Variants in MYO1B observed in about 807,000 individuals in gnomAD.
MYO1B encodes the protein unconventional myosin-Ib.
Under a neutral mutation model 159.7 loss-of-function variants are expected in MYO1B, and 72 were observed. The observed-to-expected ratio is 0.45, with a 90% CI of 0.37 to 0.55. The LOEUF is 0.55. Among genes scored for constraint, MYO1B ranks in the 20% least tolerant of loss-of-function variants. MYO1B has a pLI of 0.00. For synonymous variants in MYO1B, 468 were observed against 473.8 expected, an observed-to-expected ratio of 0.99 and a Z score of 0.16; for missense variants, 1,062 against 1,364.8, an observed-to-expected ratio of 0.78 and a Z score of 3.50.
chr2:191,386,042 T>G lies in MYO1B; in HGVS notation c.1512T>G (p.Ser504=). The change falls in exon 16 of 31, where the codon TCT becomes TCG. Residue 504 remains serine (S), a synonymous_variant. Coordinates refer to ENST00000392318, the MANE Select transcript of MYO1B (RefSeq NM_001130158.3). ...SKCSRFLNDT[S]LPHSCFRIQH... ...GCTCTCGGTTCCTCAATGACACGTC[T>G]CTGCCTCACAGCTGCTTCAGGATCC... The G allele has an allele frequency of 6.2e-7, 1 of 1,614,140 alleles. No individual in the cohort carries two copies. The highest frequency in any genetic ancestry group is 1.1e-5 in the South Asian group (1 of 91,080).
intron 1 of MYO1B, among the ~76,000 whole-genome samples, chr2:191,257,067 C>A (rs1390509367): frequency 6.6e-6 from 1 of 152,072 alleles, no homozygotes; most frequent in African/African-American, 2.4e-5. Flanking sequence ...GAAAGTCTCT[C>A]CTTTTAATCC....
At chr2:191,286,901 A>T (rs938815193) in intron 2 of MYO1B, among the ~76,000 whole-genome samples, 4 of 152,178 alleles carry the variant, frequency 2.6e-5, no homozygotes, top group Non-Finnish European at 5.9e-5. Flanking sequence ...ACTGCACTCC[A>T]ACCTGGGTGA....
At chr2:191,385,570 G>T (rs35807090) in intron 15 of MYO1B, among the ~76,000 whole-genome samples, 1 of 151,984 alleles carries the variant, frequency 6.6e-6, no homozygotes, top group Non-Finnish European at 1.5e-5. Context: ...TTGTCTTTTT[G>T]TAAGAGTATA....
intron 28 of MYO1B, 58 bp downstream of exon 28, chr2:191,414,238 C>A: frequency 1.3e-6 from 2 of 1,545,482 alleles, no homozygotes; most frequent in Non-Finnish European, 8.7e-7. Context: ...GATAGTCACC[C>A]TGTTTTCTGA....
At chr2:191,310,130 A>G (rs763540389) in intron 3 of MYO1B, among the ~76,000 whole-genome samples, 6 of 152,240 alleles carry the variant, frequency 3.9e-5, no homozygotes, top group Non-Finnish European at 5.9e-5. Flanking sequence ...TATACTTACA[A>G]GGAACAAGTT....
At chr2:191,253,819 T>C (rs1399139286) in intron 1 of MYO1B, among the ~76,000 whole-genome samples, 2 of 152,226 alleles carry the variant, frequency 1.3e-5, no homozygotes, top group Non-Finnish European at 2.9e-5. Context: ...GTGTTGCATT[T>C]AAATAGAAAT....
At chr2:191,346,794 T>C (rs28535469) in intron 6 of MYO1B, among the ~76,000 whole-genome samples, 9,789 of 152,124 alleles carry the variant, frequency 0.064, 1,036 homozygotes, top group African/African-American at 0.22. Flanking sequence ...AAAAACCAAA[T>C]CTATTTGGTG....
At chr2:191,290,210 T>G (rs761083188) in intron 2 of MYO1B, among the ~76,000 whole-genome samples, 2 of 152,238 alleles carry the variant, frequency 1.3e-5, no homozygotes, top group Non-Finnish European at 2.9e-5. Context: ...TCTTCATCAC[T>G]TCTTACTTAT....
intron 3 of MYO1B, among the ~76,000 whole-genome samples, chr2:191,325,891 T>TA (rs1315914083): frequency 6.6e-6 from 1 of 152,022 alleles, no homozygotes; most frequent in African/African-American, 2.4e-5. Context: ...AAGTGATAGA[T>TA]ACAGCTGTCT....
chr2:191,339,702 A>G (rs1182862091), intron 4 of MYO1B, among the ~76,000 whole-genome samples: 2 of 152,196 alleles, frequency 1.3e-5, no homozygotes, highest in Non-Finnish European at 2.9e-5. Context: ...TCTGTGCTCC[A>G]TGAGATTGTT....
In MYO1B at chr2:191,341,625, G is replaced by C. The variant is rs1240686906; in HGVS notation, c.451+60G>C. 7 of 1,335,198 alleles carry C rather than the reference G, an allele frequency of 5.2e-6. No homozygotes were observed. The South Asian group carries it at 6.1e-5, about 12-fold the overall frequency. 82.7% of individuals were successfully genotyped at this position (1,335,198 alleles called of 1,614,324 possible). ...TCAAACAGTAGATTGAGTTATGTGG[G>C]TGCTTTGAGTACCTGGTCTGCTGGG... On this transcript the variant is annotated intron_variant, in intron 5 of 30. Transcript: ENST00000392318.
intron 3 of MYO1B, among the ~76,000 whole-genome samples, chr2:191,327,232 C>T (rs1229824877): frequency 6.6e-6 from 1 of 152,096 alleles, no homozygotes; most frequent in Non-Finnish European, 1.5e-5. Context: ...TTCATCCATC[C>T]CTTCATTTAT....
chr2:191,282,238 A>T (rs1035450366), intron 2 of MYO1B, among the ~76,000 whole-genome samples: 1 of 152,212 alleles, frequency 6.6e-6, no homozygotes, highest in Non-Finnish European at 1.5e-5. Flanking sequence ...AGAATAACAT[A>T]CGTATATTAT....
At chr2:191,346,756 G>A (rs373762835) in intron 6 of MYO1B, among the ~76,000 whole-genome samples, 2 of 152,190 alleles carry the variant, frequency 1.3e-5, no homozygotes, top group Non-Finnish European at 2.9e-5. Flanking sequence ...TGGGGTGAGC[G>A]TGGGGCTGTA....
intron 5 of MYO1B, among the ~76,000 whole-genome samples, chr2:191,344,153 A>G (rs1692407812): frequency 6.6e-6 from 1 of 152,132 alleles, no homozygotes. Context: ...GGGCTGTGCA[A>G]GTTAGCTAAC....
At chr2:191,272,288 T>G in intron 1 of MYO1B, among the ~76,000 whole-genome samples, 1 of 152,184 alleles carries the variant, frequency 6.6e-6, no homozygotes, top group East Asian at 1.9e-4. Flanking sequence ...ATTGGTACCC[T>G]TAGATAGAGA....
intron 1 of MYO1B, among the ~76,000 whole-genome samples, chr2:191,248,946 CT>C (rs1422088635): frequency 6.6e-6 from 1 of 152,218 alleles, no homozygotes; most frequent in Non-Finnish European, 1.5e-5. Context: ...GACATTACAA[CT>C]CTTAGAACTG....
At chr2:191,332,610 T>G (rs1691563475) in intron 4 of MYO1B, among the ~76,000 whole-genome samples, 1 of 152,194 alleles carries the variant, frequency 6.6e-6, no homozygotes, top group Non-Finnish European at 1.5e-5. Context: ...GTGTGCTTAT[T>G]TACATGTATG....
At chr2:191,380,512 G>C (rs141921887) in intron 13 of MYO1B, among the ~76,000 whole-genome samples, 1 of 152,320 alleles carries the variant, frequency 6.6e-6, no homozygotes, top group African/African-American at 2.4e-5. Flanking sequence ...GTGAAAACAA[G>C]TTTTAGTGTC....
Sources: allele counts gnomAD v4.1 joint callset (sites outside exome capture counted in the v4.1 genomes callset), GRCh38; gene constraint gnomAD v4.1.1; transcripts MANE v1.5; gene names NCBI Gene and HGNC (gene_info 2026-07-23, HGNC 2026-07-21).